NAALADL2: variants seen among roughly 807,000 people sequenced by gnomAD.
NAALADL2 encodes the protein inactive N-acetylated-alpha-linked acidic dipeptidase-like protein 2.
A neutral mutation model predicts 87.2 loss-of-function variants in NAALADL2; 76 were observed. The observed-to-expected ratio is 0.87, with a 90% CI of 0.72 to 1.05. The LOEUF (loss-of-function observed/expected upper bound fraction) is 1.05. Ranked by LOEUF, NAALADL2 falls within the 50% of genes least tolerant of loss-of-function variation. The pLI is 0.00. For synonymous variants in NAALADL2, 354 were observed against 331.0 expected, an observed-to-expected ratio of 1.07 and a Z score of -0.75; for missense variants, 1,089 against 945.8, an observed-to-expected ratio of 1.15 and a Z score of -1.99.
intron 1 of NAALADL2, among the ~76,000 whole-genome samples, chr3:174,977,178 C>A (rs778029063): frequency 5.3e-5 from 8 of 152,138 alleles, no homozygotes; most frequent in Non-Finnish European, 1.0e-4. Flanking sequence ...TCTGTGAAAT[C>A]CAAAAATGTT....
At chr3:175,468,278 A>T (rs940200607) in intron 8 of NAALADL2, among the ~76,000 whole-genome samples, 18 of 152,094 alleles carry the variant, frequency 1.2e-4, no homozygotes, top group African/African-American at 4.1e-4. Context: ...TATGCAAATG[A>T]GTGGTGTGAA....
chr3:174,657,025 T>C (rs1421949368), intron 2 of NAALADL2, among the ~76,000 whole-genome samples: 1 of 150,790 alleles, frequency 6.6e-6, no homozygotes, highest in East Asian at 1.9e-4. Context: ...CTCTCTCTCT[T>C]TTTCTTTTCC....
intron 1 of NAALADL2, among the ~76,000 whole-genome samples, chr3:175,007,282 T>A (rs1749167175): frequency 6.6e-6 from 1 of 152,070 alleles, no homozygotes; most frequent in Admixed American, 6.6e-5. Flanking sequence ...GTAAGTAGGA[T>A]TTTTTAAGCC....
At chr3:175,143,660 C>A (rs1220307976) in intron 2 of NAALADL2, among the ~76,000 whole-genome samples, 1 of 151,368 alleles carries the variant, frequency 6.6e-6, no homozygotes, top group Non-Finnish European at 1.5e-5. Flanking sequence ...GGTAAATACA[C>A]TTTATGGAAA....
chr3:175,594,821 A>G (rs1722031613), intron 10 of NAALADL2, among the ~76,000 whole-genome samples: 1 of 152,024 alleles, frequency 6.6e-6, no homozygotes, highest in Admixed American at 6.6e-5. Flanking sequence ...GTGTCTGTTC[A>G]TGCCATTTGC....
intron 3 of NAALADL2, among the ~76,000 whole-genome samples, chr3:174,831,432 C>G (rs1722674625): frequency 7.1e-6 from 1 of 140,062 alleles, no homozygotes; most frequent in South Asian, 2.1e-4. Flanking sequence ...ATATATTGAA[C>G]CAGCCTTGCA....
chr3:175,106,511 C>T (rs1056532177), intron 2 of NAALADL2, among the ~76,000 whole-genome samples: 1 of 152,050 alleles, frequency 6.6e-6, no homozygotes, highest in Non-Finnish European at 1.5e-5. Context: ...AAAAAAGGAA[C>T]AGGATCAGTC....
At chr3:175,445,033 G>A (rs534201822) in intron 5 of NAALADL2, among the ~76,000 whole-genome samples, 18 of 152,070 alleles carry the variant, frequency 1.2e-4, no homozygotes, top group African/African-American at 2.2e-4. Context: ...CTGAAGTCCC[G>A]TCAATTAAAT....
At chr3:175,566,082 G>A (rs921323586) in intron 9 of NAALADL2, among the ~76,000 whole-genome samples, 1 of 151,934 alleles carries the variant, frequency 6.6e-6, no homozygotes, top group Non-Finnish European at 1.5e-5. Flanking sequence ...CACCCACGTC[G>A]GCCTCCCAGA....
Position 174,705,320 on chromosome 3 carries a change from A to G in NAALADL2, c.-114-32321A>G, listed in dbSNP as rs536839050. ...ACAGACAGTAGCCCCAGTAAGAATC[A>G]GTTTTTTCTCATTATAATAAAATGG... On this transcript the variant is annotated intron_variant, in intron 2 of 3. Coordinates refer to the NAALADL2 transcript ENST00000434257. 3.3e-5 allele frequency among the ~76,000 whole-genome samples: 5 copies of G among 152,294 alleles called. No individual in the cohort carries two copies. In the South Asian group the frequency reaches 1.0e-3, roughly 32 times the overall value.
intron 2 of NAALADL2, among the ~76,000 whole-genome samples, chr3:174,621,966 C>G (rs551321350): frequency 3.3e-5 from 5 of 152,270 alleles, no homozygotes; most frequent in African/African-American, 1.2e-4. Flanking sequence ...ACAAAGGACT[C>G]TCAAGATCTC....
intron 2 of NAALADL2, among the ~76,000 whole-genome samples, chr3:174,592,390 G>T (rs1163164196): frequency 6.6e-6 from 1 of 152,062 alleles, no homozygotes; most frequent in Non-Finnish European, 1.5e-5. Flanking sequence ...TTAGCATTAG[G>T]TATATCTCAA....
chr3:175,324,152 A>C (rs766187999), intron 4 of NAALADL2, 23 bp from the exon 5 acceptor site: 1 of 1,607,840 alleles, frequency 6.2e-7, no homozygotes, highest in South Asian at 1.1e-5. Context: ...TAATATTTTT[A>C]ATAGCTTGCT....
intron 2 of NAALADL2, among the ~76,000 whole-genome samples, chr3:174,578,060 T>C (rs1469956875): frequency 6.6e-6 from 1 of 151,844 alleles, no homozygotes; most frequent in Non-Finnish European, 1.5e-5. Flanking sequence ...CGAAGAGAAA[T>C]CAATAGGAAT....
chr3:174,835,669 A>G (rs1723250880), intron 3 of NAALADL2, among the ~76,000 whole-genome samples: 1 of 152,106 alleles, frequency 6.6e-6, no homozygotes, highest in African/African-American at 2.4e-5. Flanking sequence ...AAACTAAACA[A>G]TCTGATTTTT....
intron 2 of NAALADL2, among the ~76,000 whole-genome samples, chr3:174,552,180 T>A (rs1476120795): frequency 6.6e-6 from 1 of 152,208 alleles, no homozygotes; most frequent in African/African-American, 2.4e-5. Context: ...TTCCAATCGT[T>A]GGAACACTTT....
chr3:175,057,579 A>C (rs1414970755), intron 1 of NAALADL2, among the ~76,000 whole-genome samples: 1 of 152,176 alleles, frequency 6.6e-6, no homozygotes, highest in Non-Finnish European at 1.5e-5. Flanking sequence ...TTGGCTGCCA[A>C]GTAGACTCAT....
chr3:175,181,749 A>ATGTGTG (rs1481611351), intron 2 of NAALADL2, among the ~76,000 whole-genome samples: 12,098 of 120,830 alleles, frequency 0.1, 1,182 homozygotes, highest in African/African-American at 0.16. Context: ...ATATATGTAT[A>ATGTGTG]TATATGTGTG....
intron 5 of NAALADL2, among the ~76,000 whole-genome samples, chr3:175,324,627 A>G (rs556764279): frequency 1.5e-3 from 235 of 152,324 alleles, no homozygotes; most frequent in African/African-American, 5.4e-3. Context: ...ACCAGGTGTG[A>G]CAGGTACTCC....
Sources: gnomAD v4.1 joint callset for allele counts (sites outside exome capture counted in the v4.1 genomes callset) on GRCh38, gnomAD v4.1.1 for gene constraint, MANE v1.5 for transcripts, NCBI Gene and HGNC (gene_info 2026-07-23, HGNC 2026-07-21) for gene names.